RHBDL2: variants seen among roughly 807,000 people sequenced by gnomAD.
The protein encoded by RHBDL2 is rhomboid-related protein 2.
Under a neutral mutation model 31.7 loss-of-function variants are expected in RHBDL2, and 26 were observed. The ratio of observed to expected loss-of-function variants is 0.82; its 90% CI spans 0.60 to 1.14. RHBDL2 has a LOEUF of 1.14. Ranked by LOEUF, RHBDL2 falls within the 50% of genes most tolerant of loss-of-function variation. The pLI is 0.00. For synonymous variants in RHBDL2, 123 were observed against 127.2 expected (o/e 0.97, Z 0.22); for missense variants, 336 against 364.4 (o/e 0.92, Z 0.63).
intron 1 of RHBDL2, among the ~76,000 whole-genome samples, chr1:38,928,979 G>A (rs1405024855): frequency 1.3e-5 from 2 of 152,122 alleles, no homozygotes; most frequent in South Asian, 2.1e-4. Flanking sequence ...GCTGAGGCAG[G>A]AGGATCACTT....
At chr1:38,907,004 T>G (rs1158835292) in intron 4 of RHBDL2, among the ~76,000 whole-genome samples, 2 of 152,186 alleles carry the variant, frequency 1.3e-5, no homozygotes, top group Admixed American at 6.5e-5. Context: ...ATTTCAAAAC[T>G]TATTATATAG....
intron 1 of RHBDL2, chr1:38,926,969 C>G (rs1404986275): frequency 1.3e-5 from 2 of 152,324 alleles, no homozygotes; most frequent in African/African-American, 2.4e-5. Flanking sequence ...TGAAGCATTC[C>G]ATACAAAACA....
At chr1:38,927,426 C>CAA (rs566835644) in intron 1 of RHBDL2, among the ~76,000 whole-genome samples, 1 of 150,462 alleles carries the variant, frequency 6.6e-6, no homozygotes, top group African/African-American at 2.4e-5. Flanking sequence ...GACTCCATCT[C>CAA]AAAAAAAAAG....
intron 4 of RHBDL2, among the ~76,000 whole-genome samples, chr1:38,898,884 T>C (rs184237954): frequency 6.6e-6 from 1 of 152,318 alleles, no homozygotes; most frequent in East Asian, 1.9e-4. Flanking sequence ...CTAAGTAACT[T>C]TCTGTACTGG....
chr1:38,910,753 CTTTT>C (rs765064879), intron 4 of RHBDL2, among the ~76,000 whole-genome samples: 26 of 111,034 alleles, frequency 2.3e-4, no homozygotes, highest in East Asian at 5.0e-4. Flanking sequence ...TATTCCTTTT[CTTTT>C]TTTTTTTTTT....
intron 6 of RHBDL2, among the ~76,000 whole-genome samples, chr1:38,892,851 C>A (rs988279445): frequency 6.6e-6 from 1 of 152,212 alleles, no homozygotes; most frequent in Non-Finnish European, 1.5e-5. Flanking sequence ...GCTGCTGAAA[C>A]AAATTGAGTC....
At chr1:38,935,680 T>C (rs1437394367) in intron 1 of RHBDL2, among the ~76,000 whole-genome samples, 32 of 151,778 alleles carry the variant, frequency 2.1e-4, no homozygotes, top group Non-Finnish European at 1.3e-4. Flanking sequence ...TGGCATGATC[T>C]CAGCTCACTG....
chr1:38,905,561 C>T (rs1365587099), intron 4 of RHBDL2, among the ~76,000 whole-genome samples: 1 of 148,828 alleles, frequency 6.7e-6, no homozygotes, highest in Non-Finnish European at 1.5e-5. Context: ...ATCAGCCTGG[C>T]CAACATGTTG....
chr1:38,924,458 G>A (rs1643350333), intron 1 of RHBDL2, among the ~76,000 whole-genome samples: 1 of 152,070 alleles, frequency 6.6e-6, no homozygotes, highest in South Asian at 2.1e-4. Flanking sequence ...GCCAGGCGTG[G>A]TGGCGGGCGC....
At chr1:38,936,288 A>G (rs1399316896) in intron 1 of RHBDL2, among the ~76,000 whole-genome samples, 3 of 151,684 alleles carry the variant, frequency 2.0e-5, no homozygotes, top group African/African-American at 7.3e-5. Context: ...TGAATAAACA[A>G]GTATTCTTTT....
chr1:38,911,602 CTGTGTGTGTG>C (rs56978792), intron 3 of RHBDL2, among the ~76,000 whole-genome samples, 168 bp from the exon 4 acceptor site: 12,237 of 142,108 alleles, frequency 0.086, 800 homozygotes, highest in African/African-American at 0.18. Flanking sequence ...TTTCTTTTTT[CTGTGTGTGTG>C]TGTGTGTGTG....
At chr1:38,900,162 G>A (rs1409620909) in intron 4 of RHBDL2, among the ~76,000 whole-genome samples, 1 of 152,226 alleles carries the variant, frequency 6.6e-6, no homozygotes, top group Non-Finnish European at 1.5e-5. Flanking sequence ...GTTCAGGCCT[G>A]TAATCTCAGC....
At chr1:38,905,197 G>T (rs1379919548) in intron 4 of RHBDL2, among the ~76,000 whole-genome samples, 3 of 151,106 alleles carry the variant, frequency 2.0e-5, no homozygotes, top group East Asian at 4.0e-4. Flanking sequence ...TTCGAGACCA[G>T]CCTGGCATTA....
intron 1 of RHBDL2, among the ~76,000 whole-genome samples, chr1:38,925,082 AAAAGAGATTTCTAT>A (rs1334062566): frequency 6.6e-6 from 1 of 151,988 alleles, no homozygotes; most frequent in Admixed American, 6.6e-5. Context: ...TGCCCAGCCG[AAAAGAGATTTCTAT>A]AAAGAGATTT....
chr1:38,900,328 A>G (rs549740820), intron 4 of RHBDL2, among the ~76,000 whole-genome samples: 34 of 152,134 alleles, frequency 2.2e-4, no homozygotes, highest in African/African-American at 7.5e-4. Context: ...GCTGAGACAC[A>G]AGAACCCCCT....
intron 4 of RHBDL2, among the ~76,000 whole-genome samples, chr1:38,898,230 G>T (rs1642944680): frequency 6.6e-6 from 1 of 152,132 alleles, no homozygotes; most frequent in South Asian, 2.1e-4. Flanking sequence ...CTTGAACCTG[G>T]GAGGCAGAGG....
intron 4 of RHBDL2, among the ~76,000 whole-genome samples, chr1:38,907,951 A>G (rs2124321062): frequency 6.6e-6 from 1 of 152,270 alleles, no homozygotes. Flanking sequence ...TAAAAAGACA[A>G]GCTACAGACT....
At chr1:38,889,441 C>T (rs1337236322) in intron 6 of RHBDL2, among the ~76,000 whole-genome samples, 1 of 152,026 alleles carries the variant, frequency 6.6e-6, no homozygotes, top group Non-Finnish European at 1.5e-5. Flanking sequence ...AGGAAGTAGA[C>T]TATAAGGGAG....
intron 4 of RHBDL2, among the ~76,000 whole-genome samples, chr1:38,900,481 C>T: frequency 6.6e-6 from 1 of 152,062 alleles, no homozygotes; most frequent in Non-Finnish European, 1.5e-5. Flanking sequence ...ATTAGCCAGG[C>T]ATGGTGGTGC....
Sources: gnomAD v4.1 joint callset for allele counts (sites outside exome capture counted in the v4.1 genomes callset) on GRCh38, gnomAD v4.1.1 for gene constraint, MANE v1.5 for transcripts, NCBI Gene and HGNC (gene_info 2026-07-23, HGNC 2026-07-21) for gene names.